The following RAI14 variants were observed in gnomAD, a reference collection of about 807,000 sequenced individuals.
RAI14 encodes ankycorbin.
Under a neutral mutation model 115.4 loss-of-function variants are expected in RAI14, and 45 were observed. That is an observed-to-expected ratio of 0.39 (90% CI 0.31 to 0.50). The LOEUF (loss-of-function observed/expected upper bound fraction) is 0.50. Ranked by LOEUF, RAI14 falls within the 20% of genes least tolerant of loss-of-function variation. The pLI is 0.85. For missense variants in RAI14, 939 were observed against 1,131.2 expected (o/e 0.83, Z 2.44); for synonymous variants, 371 against 415.4 (o/e 0.89, Z 1.30).
chr5:34,780,355 A>G (rs1252234479), intron 3 of RAI14, among the ~76,000 whole-genome samples: 1 of 152,230 alleles, frequency 6.6e-6, no homozygotes, highest in African/African-American at 2.4e-5. Flanking sequence ...ATGGCAACAA[A>G]AGCCAAAATT....
intron 2 of RAI14, among the ~76,000 whole-genome samples, chr5:34,691,824 A>G (rs984788977): frequency 6.6e-6 from 1 of 152,222 alleles, no homozygotes; most frequent in African/African-American, 2.4e-5. Context: ...GACAGTCTCC[A>G]TGAGAGATTA....
chr5:34,711,207 G>A (rs549602606), intron 2 of RAI14, among the ~76,000 whole-genome samples: 14 of 152,304 alleles, frequency 9.2e-5, no homozygotes, highest in African/African-American at 3.4e-4. Context: ...GGGTGCAGGC[G>A]GGTTGAGTCC....
chr5:34,707,046 A>G (rs946098778), intron 2 of RAI14, among the ~76,000 whole-genome samples: 1 of 152,234 alleles, frequency 6.6e-6, no homozygotes, highest in Non-Finnish European at 1.5e-5. Context: ...TTCAGATAGC[A>G]TCAAAACTTG....
chr5:34,729,456 T>C, intron 2 of RAI14, among the ~76,000 whole-genome samples: 1 of 152,160 alleles, frequency 6.6e-6, no homozygotes. Flanking sequence ...ACTAAAAATA[T>C]TAAAAATCCT....
At chr5:34,826,205 A>T (rs1757426825) in intron 15 of RAI14, 125 bp from the exon 16 acceptor site, 1 of 803,968 alleles carries the variant, frequency 1.2e-6, no homozygotes, top group Admixed American at 3.0e-5. Context: ...ATTAAAAAGG[A>T]ATTGTTCCAA....
chr5:34,807,214 T>C (rs1755008860), intron 5 of RAI14, among the ~76,000 whole-genome samples: 1 of 152,106 alleles, frequency 6.6e-6, no homozygotes, highest in South Asian at 2.1e-4. Context: ...GTTTTCTGTT[T>C]GGCTAGAGGA....
Position 34,823,319 on chromosome 5 carries a change from G to A in RAI14, c.1477G>A (p.Glu493Lys), listed in dbSNP as rs1272574453. Residue 493 changes from glutamate (E) to lysine (K), a missense_variant, in exon 15 of 18, where the codon GAG (glutamate) becomes AAG (lysine). Physicochemically the swap from Glu to Lys is moderately conservative, Grantham distance 56. Coordinates refer to ENST00000265109, the MANE Select transcript of RAI14 (RefSeq NM_015577.3). The surrounding 1 kb of genome is among the most constrained non-coding windows in gnomAD (Gnocchi z 4.5). ...QKLKETQSKY[E>K]EAMKEVLSVQ... ...ACTTAAAGAAACTCAGAGCAAATAC[G>A]AGGAGGCTATGAAAGAAGTCCTTAG... The A allele has an allele frequency of 5.0e-6, 8 of 1,613,970 alleles. No individual in the cohort carries two copies. Among genetic ancestry groups the A allele is most frequent in the Non-Finnish European group, 3.4e-6 (4 of 1,180,014 alleles).
intron 4 of RAI14, among the ~76,000 whole-genome samples, chr5:34,803,141 T>C (rs338271): frequency 0.91 from 138,320 of 152,226 alleles, 63,611 homozygotes; most frequent in Non-Finnish European, 0.99. Context: ...CCACCGCAAG[T>C]GTCTAGCCTG....
chr5:34,659,935 T>C (rs374518177), intron 1 of RAI14, among the ~76,000 whole-genome samples: 14 of 151,024 alleles, frequency 9.3e-5, no homozygotes, highest in Middle Eastern at 3.5e-3. Flanking sequence ...CCCAGCACTT[T>C]GGGAGGCCAA....
intron 15 of RAI14, chr5:34,826,122 G>A (rs1014979474): frequency 2.4e-5 from 9 of 372,592 alleles, no homozygotes; most frequent in Non-Finnish European, 4.3e-5. Flanking sequence ...TGAACCTAAT[G>A]GATGTAGCGG....
Position 34,805,471 on chromosome 5 carries a change from TC to T in RAI14, c.321+1697del, listed in dbSNP as rs1370558617. Among the ~76,000 whole-genome samples, 3 of 152,254 alleles carry T rather than the reference TC, an allele frequency of 2.0e-5. No homozygotes were observed. The East Asian group carries it at 5.8e-4, about 29-fold the overall frequency. On this transcript the variant is annotated intron_variant, in intron 5 of 17. Transcript: ENST00000265109. The stretch of plus-strand genomic sequence containing the variant: ...CCGTCTGCTGGAGCCATTCCCCCTC[TC>T]CAGTGGCTACCAAGGTAAAGTTCTT...
intron 3 of RAI14, among the ~76,000 whole-genome samples, chr5:34,788,659 G>A (rs1408240677): frequency 6.6e-6 from 1 of 152,126 alleles, no homozygotes; most frequent in African/African-American, 2.4e-5. Context: ...CAATGCCTTA[G>A]GATTAACATT....
At chr5:34,697,320 C>T (rs1739380967) in intron 2 of RAI14, among the ~76,000 whole-genome samples, 1 of 151,654 alleles carries the variant, frequency 6.6e-6, no homozygotes, top group African/African-American at 2.4e-5. Flanking sequence ...ACTGTAATCC[C>T]AGCTACTCAG....
At chr5:34,800,075 C>T (rs990109328) in intron 4 of RAI14, among the ~76,000 whole-genome samples, 1 of 152,178 alleles carries the variant, frequency 6.6e-6, no homozygotes, top group African/African-American at 2.4e-5. Context: ...AAGAGCAAAA[C>T]CCTGTCAGAA....
intron 2 of RAI14, among the ~76,000 whole-genome samples, chr5:34,752,802 T>G (rs1747297407): frequency 6.8e-6 from 1 of 146,880 alleles, no homozygotes; most frequent in African/African-American, 2.5e-5. Flanking sequence ...AGGTCTTGGG[T>G]TGTCGCCCAG....
intron 3 of RAI14, among the ~76,000 whole-genome samples, chr5:34,771,398 A>G (rs939275883): frequency 5.9e-5 from 9 of 152,352 alleles, no homozygotes; most frequent in African/African-American, 2.2e-4. Context: ...AAGGCAAGAA[A>G]GACTGGTTTG....
intron 5 of RAI14, among the ~76,000 whole-genome samples, chr5:34,806,103 C>A (rs1047384730): frequency 5.9e-5 from 9 of 152,234 alleles, no homozygotes; most frequent in African/African-American, 2.2e-4. Flanking sequence ...TCATGGAAGG[C>A]CTCGTGAAGG....
At chr5:34,720,096 T>A (rs1742476857) in intron 2 of RAI14, among the ~76,000 whole-genome samples, 1 of 152,344 alleles carries the variant, frequency 6.6e-6, no homozygotes, top group Middle Eastern at 3.4e-3. Context: ...TTCTTCCTTA[T>A]GATATTATGA....
chr5:34,823,098 C>G lies in RAI14; in HGVS notation c.1256C>G (p.Ser419Cys). Residue 419 changes from serine (S) to cysteine (C), a missense_variant, in exon 15 of 18, where the codon TCT (serine) becomes TGT (cysteine). Coordinates refer to ENST00000265109, the MANE Select transcript of RAI14 (RefSeq NM_015577.3). The surrounding 1 kb of genome is among the most constrained non-coding windows in gnomAD (Gnocchi z 4.5). ...SKSSPSVLIH[S>C]LGKSTTDNDV... ...TCATCTCCATCTGTCTTAATACATT[C>G]TTTAGGTAAATCCACTACTGACAAT... 4 of 1,612,994 alleles carry G rather than the reference C, an allele frequency of 2.5e-6. No homozygotes were observed. In the South Asian group the frequency reaches 3.3e-5, roughly 13 times the overall value.
Sources: gnomAD v4.1 joint callset for allele counts (sites outside exome capture counted in the v4.1 genomes callset) on GRCh38, gnomAD v4.1.1 for gene constraint, Gnocchi (gnomAD v3.1) non-coding constraint, MANE v1.5 for transcripts, NCBI Gene and HGNC (gene_info 2026-07-23, HGNC 2026-07-21) for gene names.